The following MGST1 variants were observed in gnomAD, a reference collection of about 807,000 sequenced individuals.
The protein encoded by MGST1 is microsomal glutathione S-transferase 1, also known as glutathione S-transferase 12.
A neutral mutation model predicts 8.9 loss-of-function variants in MGST1; 5 were observed. The observed-to-expected ratio is 0.56, with a 90% CI of 0.29 to 1.19. MGST1 has a LOEUF of 1.19. MGST1 is among the 50% of genes most tolerant of loss of function. MGST1 has a pLI of 0.08. For missense variants in MGST1, 182 were observed against 187.4 expected, an observed-to-expected ratio of 0.97 and a Z score of 0.17; for synonymous variants, 54 against 67.8, an observed-to-expected ratio of 0.80 and a Z score of 1.00.
chr12:16,449,902 G>T (rs540384300), intron 4 of MGST1, among the ~76,000 whole-genome samples: 2 of 151,996 alleles, frequency 1.3e-5, no homozygotes, highest in Middle Eastern at 6.8e-3. Context: ...GGAATTGTGG[G>T]AACTTTTATT....
At chr12:16,463,625 C>G (rs903518138) in intron 4 of MGST1, among the ~76,000 whole-genome samples, 1 of 150,862 alleles carries the variant, frequency 6.6e-6, no homozygotes, top group Non-Finnish European at 1.5e-5. Context: ...AAAAAGAAAT[C>G]AGTGAGGCAG....
chr12:16,575,149 A>T (rs892988085), intron 4 of MGST1, among the ~76,000 whole-genome samples: 2 of 152,226 alleles, frequency 1.3e-5, no homozygotes, highest in Non-Finnish European at 2.9e-5. Context: ...ACTTAACATT[A>T]TGATGTCCGT....
Position 16,364,096 on chromosome 12 carries a change from A to C in MGST1, c.*55A>C. 1.3e-6 allele frequency: 2 copies of C among 1,526,128 alleles called. No homozygotes were observed. Among genetic ancestry groups the C allele is most frequent in the Non-Finnish European group, 1.8e-6 (2 of 1,135,620 alleles). 94.5% of individuals were successfully genotyped at this position (1,526,128 alleles called of 1,614,324 possible). ...GCTTTTTAAGAATTCTGTACTTCCA[A>C]TTTATAATGAATACTTTCTTAGATT... On this transcript the variant is annotated 3_prime_UTR_variant, in exon 4 of 4. Transcript: ENST00000396210. This position sits in a 1 kb window ranked among gnomAD's most constrained non-coding sequence, Gnocchi z 5.7.
In MGST1 at chr12:16,454,902, A is replaced by AAAAAAAAAAAAG. The variant is rs1555104768; in HGVS notation, n.482+71300_482+71301insAAAAAAAAAGAA. Among the ~76,000 whole-genome samples, 43 of 125,986 alleles carry AAAAAAAAAAAAG rather than the reference A, an allele frequency of 3.4e-4. 4 individuals are homozygous for AAAAAAAAAAAAG. Among genetic ancestry groups the AAAAAAAAAAAAG allele is most frequent in the African/African-American group, 1.3e-3 (40 of 30,920 alleles). 82.7% of individuals were successfully genotyped at this position (125,986 alleles called of 152,430 possible). ...AAAAAAAAAAAAAAAAAAAAAAAAA[A>AAAAAAAAAAAAG]AAGGAGATGGGAAGATTTGAGGAGA... On this transcript the variant is annotated intron_variant and non_coding_transcript_variant, in intron 4 of 4. Coordinates refer to the MGST1 transcript ENST00000538857.
intron 1 of MGST1, among the ~76,000 whole-genome samples, chr12:16,430,421 A>C (rs187406985): frequency 6.6e-6 from 1 of 152,300 alleles, no homozygotes; most frequent in Admixed American, 6.5e-5. Flanking sequence ...GGAATCACTA[A>C]CTATTGCAGC....
chr12:16,377,325 T>C (rs1940398449), downstream of MGST1: 1 of 123,038 alleles, frequency 8.1e-6, no homozygotes, highest in Non-Finnish European at 1.6e-5. Context: ...GTCCCCAGTG[T>C]GTGATGTTCC....
intron 4 of MGST1, among the ~76,000 whole-genome samples, chr12:16,524,123 T>C (rs1941666537): frequency 6.6e-6 from 1 of 152,040 alleles, no homozygotes; most frequent in Non-Finnish European, 1.5e-5. Context: ...TCAGAAAGTG[T>C]TTGTGTTTTA....
intron 1 of MGST1, among the ~76,000 whole-genome samples, chr12:16,427,827 C>T (rs1940903431): frequency 1.3e-5 from 2 of 151,534 alleles, no homozygotes; most frequent in Non-Finnish European, 2.9e-5. Context: ...AATGTTTTTT[C>T]TTCTTCAGGG....
At chr12:16,400,405 C>T in intron 1 of MGST1, 1 of 817,436 alleles carries the variant, frequency 1.2e-6, no homozygotes, top group Non-Finnish European at 2.2e-6. Flanking sequence ...GCCTTGCAGC[C>T]TCTTTTGGGC....
chr12:16,561,772 T>C (rs1942414529), intron 4 of MGST1, among the ~76,000 whole-genome samples: 1 of 152,232 alleles, frequency 6.6e-6, no homozygotes, highest in South Asian at 2.1e-4. Flanking sequence ...GAATGGTTTC[T>C]AAGTGTCTGG....
chr12:16,385,280 A>G (rs1447411708), intron 1 of MGST1, among the ~76,000 whole-genome samples: 1 of 152,206 alleles, frequency 6.6e-6, no homozygotes, highest in Non-Finnish European at 1.5e-5. Flanking sequence ...GAACTGCAAT[A>G]TGAATTCTGC....
At chr12:16,427,949 T>G (rs1240459788) in intron 1 of MGST1, among the ~76,000 whole-genome samples, 1 of 152,068 alleles carries the variant, frequency 6.6e-6, no homozygotes, top group African/African-American at 2.4e-5. Flanking sequence ...AATCTTATAT[T>G]TCTCTTGAGG....
intron 1 of MGST1, 116 bp from the exon 2 acceptor site, chr12:16,354,115 C>T: frequency 1.3e-6 from 1 of 771,946 alleles, no homozygotes; most frequent in Non-Finnish European, 2.0e-6. Context: ...GCAAATAGTC[C>T]AAGATATTTT....
intron 1 of MGST1, among the ~76,000 whole-genome samples, chr12:16,426,689 C>T (rs182792139): frequency 1.2e-3 from 177 of 152,268 alleles, no homozygotes; most frequent in African/African-American, 3.9e-3. Context: ...GCGTGGCTCA[C>T]GCCTGTAATC....
At chr12:16,568,922 A>T (rs1272683473) in intron 4 of MGST1, among the ~76,000 whole-genome samples, 1 of 152,230 alleles carries the variant, frequency 6.6e-6, no homozygotes, top group Admixed American at 6.5e-5. Context: ...CTTAAAGATA[A>T]GAAAAAATAC....
At chr12:16,381,629 C>T (rs1212166832), downstream of MGST1, among the ~76,000 whole-genome samples, 1 of 152,086 alleles carries the variant, frequency 6.6e-6, no homozygotes, top group East Asian at 1.9e-4. Context: ...TGGGGTTGCT[C>T]TCGAGGAGTA....
rs569295243 is a variant in MGST1 at position 16,399,430 on chromosome 12, C to T, written n.778+15826C>T. 3 of 1,534,288 alleles carry T rather than the reference C, an allele frequency of 2.0e-6. No homozygotes were observed. The East Asian group carries it at 6.7e-5, about 34-fold the overall frequency. On this transcript the variant is annotated intron_variant and non_coding_transcript_variant, in intron 1 of 1. Transcript: ENST00000359720. ...TCTTCCTTATAACAACTTTCTTGGT[C>T]CGCTTTTCGGGCTTCTTCCTCCAGT... is the stretch of plus-strand genomic sequence containing the variant.
chr12:16,543,850 G>A (rs1304503467), intron 4 of MGST1, among the ~76,000 whole-genome samples: 1 of 151,994 alleles, frequency 6.6e-6, no homozygotes, highest in Non-Finnish European at 1.5e-5. Flanking sequence ...CAGTAATCAA[G>A]CTAACCTTAA....
At chr12:16,356,956 A>C (rs1450389021) in intron 2 of MGST1, among the ~76,000 whole-genome samples, 1 of 152,244 alleles carries the variant, frequency 6.6e-6, no homozygotes, top group Non-Finnish European at 1.5e-5. Flanking sequence ...AAGGTATGTC[A>C]ACATCACTGT....
Sources: allele counts gnomAD v4.1 joint callset (sites outside exome capture counted in the v4.1 genomes callset), GRCh38; gene constraint gnomAD v4.1.1; non-coding constraint Gnocchi (gnomAD v3.1); transcripts MANE v1.5; gene names NCBI Gene and HGNC (gene_info 2026-07-23, HGNC 2026-07-21).